The following RIN3 variants were observed in gnomAD, a reference collection of about 807,000 sequenced individuals.
RIN3 encodes the protein Ras and Rab interactor 3.
In RIN3, 54 loss-of-function variants were observed where a neutral mutation model predicts 76.3. The ratio of observed to expected loss-of-function variants is 0.71; its 90% confidence interval spans 0.57 to 0.89. The LOEUF is 0.89. Among genes scored for constraint, RIN3 ranks in the 40% least tolerant of loss-of-function variants. The pLI, the probability that RIN3 is intolerant of heterozygous loss-of-function variation, is 0.00. For missense variants in RIN3, 1,256 were observed against 1,322.1 expected, an observed-to-expected ratio of 0.95 and a Z score of 0.78; for synonymous variants, 576 against 564.0, an observed-to-expected ratio of 1.02 and a Z score of -0.30.
rs955820424 is a variant in RIN3, at chr14:92,599,962, A to T, written c.368-15445A>T. 2.0e-5 allele frequency among the ~76,000 whole-genome samples: 3 copies of T among 152,234 alleles called. No homozygotes were observed. The East Asian group carries it at 5.8e-4, about 30-fold the overall frequency. Reference sequence around the variant, plus strand: ...CCAGGCAGTCACAAGGAACATCCGCATGCCAACTGAGAGACTTCTCTTTGC... The same window carrying T: ...CCAGGCAGTCACAAGGAACATCCGCTTGCCAACTGAGAGACTTCTCTTTGC... On this transcript the variant is annotated intron_variant, in intron 3 of 9. Coordinates refer to ENST00000216487, the MANE Select transcript of RIN3 (RefSeq NM_024832.5).
chr14:92,594,481 A>T (rs1595442254), intron 3 of RIN3, among the ~76,000 whole-genome samples: 1 of 152,218 alleles, frequency 6.6e-6, no homozygotes, highest in African/African-American at 2.4e-5. Context: ...CTCTCAAACC[A>T]CAAGGGAATT....
In RIN3 at chr14:92,577,437, G is replaced by A. The variant is rs144784839; in HGVS notation, c.327G>A (p.Ser109=). The A allele has an allele frequency of 1.0e-4, 166 of 1,613,554 alleles. No individual in the cohort carries two copies. The highest frequency in any genetic ancestry group is 6.9e-4 in the African/African-American group (52 of 74,900). Residue 109 remains serine, a synonymous_variant, in exon 3 of 10, where the codon TCG becomes TCA. Transcript: ENST00000216487. ...ACTTTCCTTCTCTGAACGAAAGCTC[G>A]GCCGAGGTGCTCGAATACACCATTA... The part of the protein sequence containing the change: ...CVHFPSLNES[S]AEVLEYTIKE...
At chr14:92,675,085 G>A (rs1275202972) in intron 7 of RIN3, among the ~76,000 whole-genome samples, 3 of 152,082 alleles carry the variant, frequency 2.0e-5, no homozygotes, top group Non-Finnish European at 2.9e-5. Flanking sequence ...CTAAGAGTTA[G>A]AAAAATAATT....
chr14:92,591,433 T>C (rs1884976146), intron 3 of RIN3, among the ~76,000 whole-genome samples: 1 of 152,082 alleles, frequency 6.6e-6, no homozygotes. Context: ...GAAACAATAA[T>C]GACTGAGAAC....
chr14:92,535,819 C>T (rs1200761007), intron 1 of RIN3, among the ~76,000 whole-genome samples: 5 of 150,032 alleles, frequency 3.3e-5, no homozygotes, highest in Non-Finnish European at 7.4e-5. Flanking sequence ...GGATTATAGG[C>T]ATGTGCCACC....
At chr14:92,642,842 CT>C (rs2140132697) in intron 5 of RIN3, among the ~76,000 whole-genome samples, 1 of 152,310 alleles carries the variant, frequency 6.6e-6, no homozygotes, top group East Asian at 1.9e-4. Flanking sequence ...TCCATGAGCA[CT>C]GACTGCGTTC....
chr14:92,676,344 G>A (rs746851264), intron 7 of RIN3, 131 bp from the exon 8 acceptor site: 2 of 1,080,518 alleles, frequency 1.9e-6, no homozygotes, highest in Non-Finnish European at 2.7e-6. Flanking sequence ...AGAGTCATGA[G>A]AGAGCAGGAA....
chr14:92,685,129 G>A lies in RIN3; in HGVS notation c.2610G>A (p.Arg870=), dbSNP rs769906290. The A allele has an allele frequency of 6.2e-7, 1 of 1,612,406 alleles. No homozygotes were observed. ...GCCGGCGTACTCTCAACAAGGCCCGGGCCTCCCGCTCCTCCGTACAGGTGA... is the reference window on the plus strand; with the variant it reads ...GCCGGCGTACTCTCAACAAGGCCCGAGCCTCCCGCTCCTCCGTACAGGTGA... ...WERRRTLNKA[R]ASRSSVQDFI... Residue 870 remains arginine (R), a synonymous_variant, in exon 9 of 10, where the codon CGG becomes CGA. Transcript: ENST00000216487. This position sits in a 1 kb window ranked among gnomAD's most constrained non-coding sequence, Gnocchi z 4.7.
At position 92,652,259 on chromosome 14, in the gene RIN3, A is replaced by G. The variant is rs1307998190; in HGVS notation, c.1210A>G (p.Met404Val). The change falls in exon 6 of 10, where the codon ATG (methionine) becomes GTG (valine). Residue 404 changes from methionine to valine, a missense_variant. By Grantham distance (21) the Met-to-Val change is conservative. Coordinates refer to ENST00000216487, the MANE Select transcript of RIN3 (RefSeq NM_024832.5). This position sits in a 1 kb window ranked among gnomAD's most constrained non-coding sequence, Gnocchi z 6.4. ...GTCCTTAGAAGACCAAAGTCCGGGG[A>G]TGGCGGCAGAGGGGGACCAGCTCAG... ...RVSLEDQSPG[M>V]AAEGDQLSLP... 3.1e-6 allele frequency: 5 copies of G among 1,611,046 alleles called. No homozygotes were observed. The highest frequency in any genetic ancestry group is 1.1e-5 in the South Asian group (1 of 90,884).
rs576683908 is a variant in RIN3 at position 92,537,634 on chromosome 14, C to CTTTTTTTTTT, written c.45-18099_45-18090dup. 9.7e-4 allele frequency among the ~76,000 whole-genome samples: 50 copies of CTTTTTTTTTT among 51,636 alleles called. 1 individual carries two copies. Among genetic ancestry groups the CTTTTTTTTTT allele is most frequent in the Admixed American group, 1.2e-3 (4 of 3,224 alleles). The allele number at this position is 51,636 out of a possible 152,430, so 33.9% of individuals were successfully genotyped here. A position where few individuals can be genotyped will look rare whatever the true frequency, so the allele number is the denominator to read the frequency against. Reference sequence around the variant, plus strand: ...CAGCTATAAGTGAGTGCCTTAGGGACTTTTTTTTTTTTTTTTTTTTTTTTT... The same window carrying CTTTTTTTTTT: ...CAGCTATAAGTGAGTGCCTTAGGGACTTTTTTTTTTTTTTTTTTTTTTTTTTTTTTTTTTT... On this transcript the variant is annotated intron_variant, in intron 1 of 9. Coordinates refer to ENST00000216487, the MANE Select transcript of RIN3 (RefSeq NM_024832.5).
chr14:92,664,454 G>A (rs527761358), intron 7 of RIN3, among the ~76,000 whole-genome samples: 1 of 131,342 alleles, frequency 7.6e-6, no homozygotes, highest in East Asian at 2.6e-4. Flanking sequence ...TGCAAACTCC[G>A]CCTCCCGGGT....
intron 4 of RIN3, among the ~76,000 whole-genome samples, chr14:92,634,371 C>T (rs1595471439): frequency 6.6e-6 from 1 of 152,152 alleles, no homozygotes; most frequent in Admixed American, 6.5e-5. Context: ...TGAGCCACTG[C>T]ACCCAGCCAG....
intron 4 of RIN3, among the ~76,000 whole-genome samples, chr14:92,618,357 G>A (rs1003527232): frequency 3.9e-5 from 6 of 152,108 alleles, no homozygotes; most frequent in African/African-American, 1.4e-4. Context: ...GTCTTCTGGG[G>A]AGAAACACCC....
chr14:92,671,747 A>G (rs571291884), intron 7 of RIN3, among the ~76,000 whole-genome samples: 16 of 152,038 alleles, frequency 1.1e-4, no homozygotes, highest in Non-Finnish European at 2.2e-4. Context: ...GCCAAAAGTC[A>G]TTACTCCCTC....
rs527822108 is a variant in RIN3, at chr14:92,592,871, G to A, written c.367+15394G>A. Among the ~76,000 whole-genome samples the A allele has an allele frequency of 1.1e-4, 16 of 151,702 alleles. No individual in the cohort carries two copies. The South Asian group carries it at 1.3e-3, about 12-fold the overall frequency. ...TTTGTGTTTTTAGAGATGGGGTTTC[G>A]CCATGTTGGCCAGGCTGGTCTCGAA... On this transcript the variant is annotated intron_variant, in intron 3 of 9. Coordinates refer to ENST00000216487, the MANE Select transcript of RIN3 (RefSeq NM_024832.5).
At chr14:92,660,358 C>G (rs1199561565) in intron 7 of RIN3, among the ~76,000 whole-genome samples, 1 of 152,082 alleles carries the variant, frequency 6.6e-6, no homozygotes, top group Non-Finnish European at 1.5e-5. Context: ...CTGGGACGGC[C>G]TTGCCCACAT....
chr14:92,592,333 A>C (rs1885005992), intron 3 of RIN3, among the ~76,000 whole-genome samples: 1 of 150,656 alleles, frequency 6.6e-6, no homozygotes. Context: ...CCCAGGAAGC[A>C]GAGGTTGCAG....
At chr14:92,668,917 A>G (rs1399368870) in intron 7 of RIN3, among the ~76,000 whole-genome samples, 2 of 152,234 alleles carry the variant, frequency 1.3e-5, no homozygotes, top group Middle Eastern at 3.2e-3. Flanking sequence ...ACTGTTCTAA[A>G]TGGCCTCTAC....
chr14:92,550,642 C>T (rs1897399451), intron 1 of RIN3, among the ~76,000 whole-genome samples: 1 of 152,206 alleles, frequency 6.6e-6, no homozygotes, highest in African/African-American at 2.4e-5. Flanking sequence ...TGGTCTCAAA[C>T]TCCTGGGCTC....
Sources: gnomAD v4.1 joint callset for allele counts (sites outside exome capture counted in the v4.1 genomes callset) on GRCh38, gnomAD v4.1.1 for gene constraint, Gnocchi (gnomAD v3.1) non-coding constraint, MANE v1.5 for transcripts, NCBI Gene and HGNC (gene_info 2026-07-23, HGNC 2026-07-21) for gene names.